The following NFAT5 variants were observed in gnomAD, a reference collection of about 807,000 sequenced individuals.
NFAT5 encodes nuclear factor of activated T cells 5.
NFAT5 carries 31 observed loss-of-function variants against 166.5 expected under a neutral mutation model. The ratio of observed to expected loss-of-function variants is 0.19; its 90% CI spans 0.14 to 0.25. NFAT5 has a LOEUF of 0.25. NFAT5 is among the 10% of genes least tolerant of loss of function. The pLI is 1.00. For synonymous variants in NFAT5, 612 were observed against 639.7 expected, an observed-to-expected ratio of 0.96 and a Z score of 0.65; for missense variants, 1,449 against 1,821.8, an observed-to-expected ratio of 0.80 and a Z score of 3.72.
intron 2 of NFAT5, among the ~76,000 whole-genome samples, chr16:69,595,252 G>C (rs1175577988): frequency 1.3e-5 from 2 of 152,184 alleles, no homozygotes; most frequent in East Asian, 1.9e-4. Flanking sequence ...ATAGCTTACT[G>C]TTCTGTATTC....
chr16:69,599,762 G>A (rs969346682), intron 2 of NFAT5, among the ~76,000 whole-genome samples: 3 of 152,144 alleles, frequency 2.0e-5, no homozygotes, highest in African/African-American at 7.2e-5. Flanking sequence ...GGAAAGGCAA[G>A]TACAAAGACA....
intron 6 of NFAT5, among the ~76,000 whole-genome samples, chr16:69,658,625 C>T (rs533620275): frequency 2.0e-5 from 3 of 151,998 alleles, no homozygotes; most frequent in Non-Finnish European, 4.4e-5. Flanking sequence ...GCCAGGAGTT[C>T]GAGACCAACC....
chr16:69,596,374 A>G (rs2032789274), intron 2 of NFAT5, among the ~76,000 whole-genome samples: 2 of 152,200 alleles, frequency 1.3e-5, no homozygotes, highest in South Asian at 2.1e-4. Context: ...CCAGATGATT[A>G]AGAGACTTGC....
At chr16:69,643,217 CA>C (rs34260614) in intron 3 of NFAT5, among the ~76,000 whole-genome samples, 8,454 of 88,798 alleles carry the variant, frequency 0.095, 227 homozygotes, top group Middle Eastern at 0.18. Context: ...GAGTCCCTCT[CA>C]AAAAAAAAAA....
At chr16:69,616,619 C>T (rs11075730) in intron 2 of NFAT5, among the ~76,000 whole-genome samples, 55,513 of 151,830 alleles carry the variant, frequency 0.37, 11,149 homozygotes, top group African/African-American at 0.53. Flanking sequence ...CTCATCCCAC[C>T]TCTTGGGCAC....
At chr16:69,631,781 A>AC (rs1266182060) in intron 3 of NFAT5, among the ~76,000 whole-genome samples, 2 of 152,046 alleles carry the variant, frequency 1.3e-5, no homozygotes. Context: ...GTGTGCCACC[A>AC]CACCCGGCTA....
rs2037910735 is a variant in NFAT5 at position 69,702,272 on chromosome 16, C to A, written c.*5921C>A. Reference sequence around the variant, plus strand: ...TTATGTCCCTTTTCTTTTGGATAGCCAACTTGGTATAAATGTTATATGGAT... The same window carrying A: ...TTATGTCCCTTTTCTTTTGGATAGCAAACTTGGTATAAATGTTATATGGAT... On this transcript the variant is annotated 3_prime_UTR_variant, in exon 15 of 15. Coordinates refer to ENST00000349945, the MANE Select transcript of NFAT5 (RefSeq NM_138713.4). 6.6e-6 allele frequency: 1 copy of A among 152,566 alleles called. No homozygotes were observed. The highest frequency in any genetic ancestry group is 6.6e-5 in the Admixed American group (1 of 15,256). The allele number at this position is 152,566 out of a possible 1,614,324, so 9.5% of individuals were successfully genotyped here.
intron 11 of NFAT5, 95 bp from the exon 12 acceptor site, chr16:69,690,845 G>C (rs1394893659): frequency 9.8e-7 from 1 of 1,020,170 alleles, no homozygotes; most frequent in East Asian, 2.7e-5. Flanking sequence ...CAAAAAAATA[G>C]ACATTTAAAT....
chr16:69,611,386 T>C (rs947700803), intron 2 of NFAT5, among the ~76,000 whole-genome samples: 1 of 152,222 alleles, frequency 6.6e-6, no homozygotes, highest in Non-Finnish European at 1.5e-5. Context: ...GAAATGAGCT[T>C]ATTTTACTGG....
chr16:69,667,284 G>A (rs1162108627), intron 7 of NFAT5, among the ~76,000 whole-genome samples: 1 of 151,484 alleles, frequency 6.6e-6, no homozygotes, highest in African/African-American at 2.4e-5. Context: ...TAACTAACCT[G>A]CACATTGTGC....
intron 3 of NFAT5, among the ~76,000 whole-genome samples, chr16:69,627,403 T>A (rs1242864504): frequency 6.8e-6 from 1 of 147,360 alleles, no homozygotes; most frequent in Admixed American, 6.8e-5. Context: ...TTATCTGTCC[T>A]AATTAGAGGT....
intron 3 of NFAT5, among the ~76,000 whole-genome samples, chr16:69,646,023 G>T (rs1306119026): frequency 6.6e-6 from 1 of 152,150 alleles, no homozygotes; most frequent in Non-Finnish European, 1.5e-5. Context: ...GCTCTCCAGA[G>T]ATTTTTATGC....
Position 69,692,063 on chromosome 16 carries a change from GGTTAA to G in NFAT5, c.2239_2243del (p.Val747PhefsTer6), listed in dbSNP as rs1379977456. ...AGATATTACAGTCAGATGGTACAGT[GGTTAA>G]TTTGTCACAACTGACTGAGGCATCA... On this transcript the variant is annotated frameshift_variant, in exon 13 of 15. Coordinates refer to ENST00000349945, the MANE Select transcript of NFAT5 (RefSeq NM_138713.4). LOFTEE classifies it high-confidence loss of function. The G allele has an allele frequency of 1.2e-6, 2 of 1,614,146 alleles. No homozygotes were observed.
intron 5 of NFAT5, 47 bp downstream of exon 5, chr16:69,653,475 G>A: frequency 1.7e-6 from 2 of 1,189,138 alleles, no homozygotes; most frequent in Non-Finnish European, 1.1e-6. Context: ...ATGTAAAGGG[G>A]AATGAGAATA....
chr16:69,681,366 A>T (rs1235221160), intron 10 of NFAT5, among the ~76,000 whole-genome samples: 1 of 152,254 alleles, frequency 6.6e-6, no homozygotes, highest in Non-Finnish European at 1.5e-5. Flanking sequence ...CAAATCATTA[A>T]GTGAAATACC....
chr16:69,611,245 G>T (rs1318290876), intron 2 of NFAT5, among the ~76,000 whole-genome samples: 1 of 152,162 alleles, frequency 6.6e-6, no homozygotes, highest in Non-Finnish European at 1.5e-5. Context: ...AATATGGTTA[G>T]CTGTTAATAG....
At chr16:69,630,847 T>C (rs902316529) in intron 3 of NFAT5, among the ~76,000 whole-genome samples, 4 of 152,188 alleles carry the variant, frequency 2.6e-5, no homozygotes, top group Non-Finnish European at 5.9e-5. Context: ...TTTTTTAAAA[T>C]AACAGCTTTA....
chr16:69,583,630 A>G (rs998996675), intron 2 of NFAT5, among the ~76,000 whole-genome samples: 6 of 152,240 alleles, frequency 3.9e-5, no homozygotes, highest in Non-Finnish European at 4.4e-5. Flanking sequence ...AGTAAACAAT[A>G]AAGAACATCT....
intron 2 of NFAT5, among the ~76,000 whole-genome samples, chr16:69,624,301 G>A (rs1378374675): frequency 6.6e-6 from 1 of 152,000 alleles, no homozygotes; most frequent in Non-Finnish European, 1.5e-5. Flanking sequence ...CGCCTCCTAG[G>A]CTGAAGTGAT....
Sources: gnomAD v4.1 joint callset for allele counts (sites outside exome capture counted in the v4.1 genomes callset) on GRCh38, gnomAD v4.1.1 for gene constraint, MANE v1.5 for transcripts, NCBI Gene and HGNC (gene_info 2026-07-23, HGNC 2026-07-21) for gene names.